SLC35G2: variants seen among roughly 807,000 people sequenced by gnomAD.
SLC35G2 encodes solute carrier family 35 member G2.
A neutral mutation model predicts 27.2 loss-of-function variants in SLC35G2; 20 were observed. That is an observed-to-expected ratio of 0.74 (90% CI 0.52 to 1.07). SLC35G2 has a LOEUF of 1.07. Ranked by LOEUF, SLC35G2 falls within the 50% of genes least tolerant of loss-of-function variation. The pLI, the probability that SLC35G2 is intolerant of heterozygous loss-of-function variation, is 0.00. For synonymous variants in SLC35G2, 148 were observed against 165.3 expected (o/e 0.90, Z 0.80); for missense variants, 416 against 493.3 (o/e 0.84, Z 1.48).
chr3:136,847,009 A>G (rs961130633), intron 1 of SLC35G2, among the ~76,000 whole-genome samples: 1 of 152,096 alleles, frequency 6.6e-6, no homozygotes, highest in Admixed American at 6.6e-5. Flanking sequence ...TCTACTAAAA[A>G]TACAAAAATT....
At chr3:136,826,842 T>C (rs1936597284) in intron 1 of SLC35G2, among the ~76,000 whole-genome samples, 1 of 152,044 alleles carries the variant, frequency 6.6e-6, no homozygotes, top group Non-Finnish European at 1.5e-5. Flanking sequence ...TTTCACCATG[T>C]TGCCCAGGCT....
At chr3:136,848,557 G>A (rs1433391032) in intron 1 of SLC35G2, among the ~76,000 whole-genome samples, 2 of 152,010 alleles carry the variant, frequency 1.3e-5, no homozygotes, top group Non-Finnish European at 2.9e-5. Flanking sequence ...ATATTCACTG[G>A]GTGACAAAGT....
intron 1 of SLC35G2, chr3:136,842,460 C>T (rs1158472556): frequency 6.6e-6 from 1 of 152,218 alleles, no homozygotes; most frequent in African/African-American, 2.4e-5. Flanking sequence ...GCCTTTCTGA[C>T]AATCCTGGGA....
intron 1 of SLC35G2, among the ~76,000 whole-genome samples, chr3:136,847,326 TA>T (rs1937430123): frequency 6.6e-6 from 1 of 152,150 alleles, no homozygotes; most frequent in African/African-American, 2.4e-5. Flanking sequence ...TCCCAAAATG[TA>T]AGGCTCTCCC....
intron 1 of SLC35G2, among the ~76,000 whole-genome samples, chr3:136,837,143 AAC>A (rs35792092): frequency 0.08 from 11,985 of 149,286 alleles, 479 homozygotes; most frequent in Non-Finnish European, 0.097. Context: ...ACACACACAC[AAC>A]ACACACACAC....
chr3:136,854,578 G>A lies in SLC35G2; in HGVS notation c.118G>A (p.Glu40Lys), dbSNP rs780945551. The A allele has an allele frequency of 1.3e-4, 207 of 1,612,878 alleles. No homozygotes were observed. Among genetic ancestry groups the A allele is most frequent in the Non-Finnish European group, 1.6e-4 (192 of 1,179,800 alleles). The part of the protein sequence containing the change: ...YPQPGDDGYE[E>K]INEGYGNFME... ...CCAGCCTGGCGATGATGGATATGAA[G>A]AAATCAATGAAGGCTATGGAAATTT... Residue 40 changes from glutamate to lysine, a missense_variant, in exon 2 of 2, where the codon GAA (glutamate) becomes AAA (lysine). Coordinates refer to ENST00000446465, the MANE Select transcript of SLC35G2 (RefSeq NM_025246.3).
rs943166363 is a variant in SLC35G2 at position 136,853,828 on chromosome 3, A to G, written c.-18-615A>G. Among the ~76,000 whole-genome samples, 80 of 152,280 alleles carry G rather than the reference A, an allele frequency of 5.3e-4. 2 individuals carry two copies. The highest frequency in any genetic ancestry group is 2.2e-4 in the Non-Finnish European group (15 of 68,008). On this transcript the variant is annotated intron_variant, in intron 1 of 1. Transcript: ENST00000446465. ...TTAAAATCTTAATACATATGGTCCA[A>G]CTGTTCACGAGAGAGGTTGTACAAT...
intron 1 of SLC35G2, chr3:136,842,333 A>G (rs939732087): frequency 3.3e-5 from 5 of 152,206 alleles, no homozygotes; most frequent in Admixed American, 6.5e-5. Flanking sequence ...ATAGGGTTCA[A>G]CGTCTTTCTT....
intron 1 of SLC35G2, among the ~76,000 whole-genome samples, chr3:136,829,225 T>A (rs558777875): frequency 6.6e-6 from 1 of 151,724 alleles, no homozygotes; most frequent in East Asian, 1.9e-4. Context: ...TACCTTTAGA[T>A]GACTTTTTTT....
At chr3:136,849,754 A>G (rs1937563355) in intron 1 of SLC35G2, among the ~76,000 whole-genome samples, 1 of 151,230 alleles carries the variant, frequency 6.6e-6, no homozygotes, top group African/African-American at 2.4e-5. Flanking sequence ...CAGCCTCCCA[A>G]AGTGCTGGAA....
intron 1 of SLC35G2, chr3:136,837,273 G>A (rs1353303038): frequency 6.6e-6 from 1 of 152,134 alleles, no homozygotes; most frequent in African/African-American, 2.4e-5. Flanking sequence ...TCTCTGTAAT[G>A]TGGTCTGTTT....
chr3:136,837,613 G>A (rs1301238369), intron 1 of SLC35G2: 1 of 152,056 alleles, frequency 6.6e-6, no homozygotes, highest in African/African-American at 2.4e-5. Flanking sequence ...TACCCTTTTA[G>A]ATGGCTGCAT....
intron 1 of SLC35G2, among the ~76,000 whole-genome samples, chr3:136,852,741 C>T (rs1470609602): frequency 1.3e-5 from 2 of 152,090 alleles, no homozygotes; most frequent in Non-Finnish European, 2.9e-5. Context: ...GATCTGCCTA[C>T]CTCGGCCTCC....
chr3:136,854,863 G>T lies in SLC35G2; in HGVS notation c.403G>T (p.Glu135Ter), dbSNP rs780588026. Residue 135 changes from glutamate to a stop codon, truncating the protein, a stop_gained, in exon 2 of 2, where the codon GAA (glutamate) becomes TAA (stop). Coordinates refer to ENST00000446465, the MANE Select transcript of SLC35G2 (RefSeq NM_025246.3). LOFTEE classifies it high-confidence loss of function. ...VSDRSKVPSL[E>*]LIFIRSVFQV... ...TGATCGGTCTAAAGTTCCATCTCTA[G>T]AACTGATTTTTATCCGTTCTGTTTT... The T allele has an allele frequency of 3.7e-6, 6 of 1,614,050 alleles. No individual in the cohort carries two copies. In the African/African-American group the frequency reaches 8.0e-5, roughly 22 times the overall value.
chr3:136,841,360 A>G (rs1351570325), intron 1 of SLC35G2, among the ~76,000 whole-genome samples: 1 of 152,210 alleles, frequency 6.6e-6, no homozygotes, highest in Admixed American at 6.5e-5. Flanking sequence ...GCTCATGGAT[A>G]GAATGAAGGA....
chr3:136,832,515 G>A (rs1465126396), intron 1 of SLC35G2, among the ~76,000 whole-genome samples: 1 of 152,056 alleles, frequency 6.6e-6, no homozygotes, highest in East Asian at 1.9e-4. Context: ...CATAGTACTT[G>A]TTGTGTCTGA....
chr3:136,840,136 G>T (rs1937024901), intron 1 of SLC35G2, among the ~76,000 whole-genome samples: 1 of 152,150 alleles, frequency 6.6e-6, no homozygotes, highest in Non-Finnish European at 1.5e-5. Flanking sequence ...TAATTGGTTG[G>T]GGGGACTGCC....
chr3:136,853,684 T>C (rs1017128674), intron 1 of SLC35G2, among the ~76,000 whole-genome samples: 1 of 152,220 alleles, frequency 6.6e-6, no homozygotes, highest in Non-Finnish European at 1.5e-5. Flanking sequence ...CTTTGTTATG[T>C]AAACAAATAT....
intron 1 of SLC35G2, among the ~76,000 whole-genome samples, chr3:136,851,496 CA>C (rs11427657): frequency 3.0e-5 from 2 of 66,520 alleles, no homozygotes; most frequent in Non-Finnish European, 5.4e-5. Flanking sequence ...GACTCCGTCT[CA>C]AAAAAAAAAA....
Sources: gnomAD v4.1 joint callset for allele counts (sites outside exome capture counted in the v4.1 genomes callset) on GRCh38, gnomAD v4.1.1 for gene constraint, MANE v1.5 for transcripts, NCBI Gene and HGNC (gene_info 2026-07-23, HGNC 2026-07-21) for gene names.